Variants in ERC2 observed in about 807,000 individuals in gnomAD.
ERC2 encodes the protein ERC protein 2.
Under a neutral mutation model 114.8 loss-of-function variants are expected in ERC2, and 42 were observed. That is an observed-to-expected ratio of 0.37 (90% CI 0.29 to 0.47). ERC2 has a LOEUF of 0.47. ERC2 is among the 20% of genes least tolerant of loss of function. ERC2 has a pLI of 0.99. For synonymous variants in ERC2, 454 were observed against 425.5 expected, an observed-to-expected ratio of 1.07 and a Z score of -0.82; for missense variants, 939 against 1,150.7, an observed-to-expected ratio of 0.82 and a Z score of 2.66.
rs73834317 is a variant in ERC2 at position 55,741,067 on chromosome 3, A to G, written c.2565-6149T>C. ...CCTGTAATTTAAATCACTGTGAGCT[A>G]ATTATGTATAGTTATGGGTTTTCAT... On this transcript the variant is annotated intron_variant, in intron 14 of 17. Transcript: ENST00000288221. Among the ~76,000 whole-genome samples the G allele has an allele frequency of 3.1e-3, 469 of 152,290 alleles. 3 individuals are homozygous for G. The highest frequency in any genetic ancestry group is 0.011 in the African/African-American group (441 of 41,564).
intron 14 of ERC2, among the ~76,000 whole-genome samples, chr3:55,740,688 G>A (rs887554500): frequency 1.3e-5 from 2 of 152,128 alleles, no homozygotes; most frequent in Non-Finnish European, 1.5e-5. Context: ...TATAGATTTG[G>A]CAGGCCTAGA....
intron 14 of ERC2, among the ~76,000 whole-genome samples, chr3:55,781,167 C>T (rs2069009391): frequency 6.6e-6 from 1 of 152,206 alleles, no homozygotes; most frequent in Non-Finnish European, 1.5e-5. Context: ...CAAAATAATG[C>T]TGAGGCAGCC....
intron 2 of ERC2, among the ~76,000 whole-genome samples, chr3:56,432,683 G>A (rs1286416692): frequency 1.3e-5 from 2 of 152,178 alleles, no homozygotes; most frequent in Non-Finnish European, 2.9e-5. Flanking sequence ...CCAAAGGAGT[G>A]GTAGCCAGGG....
At chr3:56,412,022 T>G (rs942080187) in intron 2 of ERC2, among the ~76,000 whole-genome samples, 1 of 152,200 alleles carries the variant, frequency 6.6e-6, no homozygotes, top group African/African-American at 2.4e-5. Context: ...TCATTGCAGA[T>G]ATAATCGAAG....
chr3:55,880,368 A>C (rs2063059468), intron 14 of ERC2, among the ~76,000 whole-genome samples: 2 of 152,214 alleles, frequency 1.3e-5, no homozygotes, highest in South Asian at 2.1e-4. Flanking sequence ...ACCCACTATA[A>C]GTTTTATGTT....
intron 3 of ERC2, among the ~76,000 whole-genome samples, chr3:56,266,377 G>A (rs1290382868): frequency 2.6e-5 from 4 of 151,882 alleles, no homozygotes; most frequent in Non-Finnish European, 5.9e-5. Flanking sequence ...TGATCCACCC[G>A]CCTCGGCCTC....
intron 3 of ERC2, among the ~76,000 whole-genome samples, chr3:56,263,778 G>C (rs955495288): frequency 2.6e-5 from 4 of 151,918 alleles, no homozygotes; most frequent in Non-Finnish European, 5.9e-5. Flanking sequence ...TTCAAAAATA[G>C]AACTAGAGGC....
intron 13 of ERC2, among the ~76,000 whole-genome samples, chr3:55,938,039 C>T (rs532343356): frequency 8.5e-5 from 13 of 152,276 alleles, no homozygotes; most frequent in Admixed American, 2.6e-4. Flanking sequence ...TTAGTCCAAT[C>T]TACCAAAAAG....
chr3:56,252,752 T>G (rs1192478360), intron 3 of ERC2, among the ~76,000 whole-genome samples: 1 of 43,844 alleles, frequency 2.3e-5, no homozygotes, highest in Admixed American at 2.2e-4. Context: ...AGCAAAACTC[T>G]GTCTCAAAAA....
At chr3:56,245,510 T>TTGTGTG (rs34578755) in intron 3 of ERC2, among the ~76,000 whole-genome samples, 1 of 149,328 alleles carries the variant, frequency 6.7e-6, no homozygotes, top group African/African-American at 2.5e-5. Flanking sequence ...GTGTGGTATG[T>TTGTGTG]TGTGTGTGTG....
At chr3:55,880,143 G>A (rs13098621) in intron 14 of ERC2, among the ~76,000 whole-genome samples, 12,655 of 152,122 alleles carry the variant, frequency 0.083, 688 homozygotes, top group Non-Finnish European at 0.12. Flanking sequence ...AATAGGGATT[G>A]GATAGCTGGA....
rs72873534 is a variant in ERC2, at chr3:55,701,768, A to G, written c.2713-2256T>C. Among the ~76,000 whole-genome samples, 881 of 152,332 alleles carry G rather than the reference A, an allele frequency of 5.8e-3. 9 individuals are homozygous for G. Among genetic ancestry groups the G allele is most frequent in the African/African-American group, 0.02 (829 of 41,572 alleles). On this transcript the variant is annotated intron_variant, in intron 15 of 17. Coordinates refer to ENST00000288221, the MANE Select transcript of ERC2 (RefSeq NM_015576.3). ...CTAAGTACTGAGATTCCCCTCAGCCAGCCTGCCATTGCACATGAGATTCTG... is the reference window on the plus strand; with the variant it reads ...CTAAGTACTGAGATTCCCCTCAGCCGGCCTGCCATTGCACATGAGATTCTG...
chr3:56,372,085 C>T (rs961216414), intron 2 of ERC2, among the ~76,000 whole-genome samples: 2 of 152,094 alleles, frequency 1.3e-5, no homozygotes, highest in Non-Finnish European at 2.9e-5. Flanking sequence ...AAGAGAGTTG[C>T]CCCACAAGAA....
At chr3:55,557,870 C>T (rs550633500) in intron 17 of ERC2, among the ~76,000 whole-genome samples, 4 of 152,368 alleles carry the variant, frequency 2.6e-5, no homozygotes, top group East Asian at 3.9e-4. Flanking sequence ...TCAATTGCCA[C>T]TTCATCATAG....
At chr3:55,947,820 C>T (rs2067227900) in intron 13 of ERC2, among the ~76,000 whole-genome samples, 2 of 152,202 alleles carry the variant, frequency 1.3e-5, no homozygotes, top group South Asian at 4.1e-4. Flanking sequence ...CAATTGCTAA[C>T]TGACACATCT....
chr3:55,791,858 G>T (rs527933654), intron 14 of ERC2, among the ~76,000 whole-genome samples: 61 of 152,150 alleles, frequency 4.0e-4, no homozygotes, highest in Non-Finnish European at 1.5e-5. Flanking sequence ...TTCTAGTGGG[G>T]AAAAAACATG....
intron 2 of ERC2, among the ~76,000 whole-genome samples, chr3:56,363,244 C>T (rs1230127588): frequency 1.3e-5 from 2 of 152,078 alleles, no homozygotes; most frequent in East Asian, 3.9e-4. Flanking sequence ...AATTTAAAAA[C>T]AAAAATAGAT....
chr3:55,799,491 G>T (rs78639457), intron 14 of ERC2, among the ~76,000 whole-genome samples: 3,324 of 87,328 alleles, frequency 0.038, 66 homozygotes, highest in Middle Eastern at 0.079. Context: ...TCTATCACAC[G>T]GCATCCTACA....
chr3:55,839,316 G>A (rs2061029446), intron 14 of ERC2, among the ~76,000 whole-genome samples: 1 of 151,630 alleles, frequency 6.6e-6, no homozygotes, highest in Non-Finnish European at 1.5e-5. Context: ...TAGTAGATCT[G>A]CACCACAAAA....
Sources: gnomAD v4.1 joint callset for allele counts (sites outside exome capture counted in the v4.1 genomes callset) on GRCh38, gnomAD v4.1.1 for gene constraint, MANE v1.5 for transcripts, NCBI Gene and HGNC (gene_info 2026-07-23, HGNC 2026-07-21) for gene names.